The following MINDY4 variants were observed in gnomAD, a reference collection of about 807,000 sequenced individuals.
The protein encoded by MINDY4 is MINDY lysine 48 deubiquitinase 4.
MINDY4 carries 68 observed loss-of-function variants against 87.0 expected under a neutral mutation model. The ratio of observed to expected loss-of-function variants is 0.78; its 90% confidence interval spans 0.64 to 0.96. The LOEUF is 0.96. MINDY4 is among the 40% of genes least tolerant of loss of function. The pLI is 0.00. For synonymous variants in MINDY4, 379 were observed against 363.2 expected (o/e 1.04, Z -0.50); for missense variants, 919 against 928.2 (o/e 0.99, Z 0.13).
chr7:30,845,264 C>T (rs1017941600), intron 9 of MINDY4, among the ~76,000 whole-genome samples: 1 of 152,140 alleles, frequency 6.6e-6, no homozygotes, highest in Non-Finnish European at 1.5e-5. Context: ...AAGATGAACA[C>T]AGAAGAGTAC....
In MINDY4 at chr7:30,882,325, C is replaced by G. The variant is rs766986008; in HGVS notation, c.2116C>G (p.Leu706Val). Residue 706 changes from leucine (L) to valine (V), a missense_variant, in exon 16 of 18, where the codon CTG (leucine) becomes GTG (valine). Physicochemically the swap from Leu to Val is conservative, Grantham distance 32. Coordinates refer to ENST00000265299, the MANE Select transcript of MINDY4 (RefSeq NM_032222.3). ...CTTTGACTTGTACTACTACGATGGC[C>G]TGGCCAACCAGCAGGAGCAGATCCG... ...RLFDLYYYDG[L>V]ANQQEQIRLT... 6.2e-7 allele frequency: 1 copy of G among 1,609,380 alleles called. No homozygotes were observed. Among genetic ancestry groups the G allele is most frequent in the East Asian group, 2.2e-5 (1 of 44,708 alleles).
intron 9 of MINDY4, among the ~76,000 whole-genome samples, chr7:30,847,974 C>T (rs1041367307): frequency 2.0e-5 from 3 of 152,190 alleles, no homozygotes; most frequent in African/African-American, 7.2e-5. Context: ...CTCAAGCGAT[C>T]CTCCCACCTG....
At chr7:30,837,556 C>T (rs1584295980) in intron 7 of MINDY4, among the ~76,000 whole-genome samples, 3 of 152,292 alleles carry the variant, frequency 2.0e-5, no homozygotes, top group South Asian at 2.1e-4. Flanking sequence ...CTCATATCTC[C>T]CCCTTCTTCC....
At chr7:30,806,996 A>G (rs909859116) in intron 5 of MINDY4, among the ~76,000 whole-genome samples, 16 of 152,242 alleles carry the variant, frequency 1.1e-4, no homozygotes, top group Admixed American at 8.5e-4. Flanking sequence ...TGGCATTTCT[A>G]TAACTGATAT....
At chr7:30,797,287 C>G (rs562380078) in intron 5 of MINDY4, among the ~76,000 whole-genome samples, 4 of 152,272 alleles carry the variant, frequency 2.6e-5, no homozygotes, top group African/African-American at 9.6e-5. Context: ...CGAGGCAGCC[C>G]ACAATAACAC....
At chr7:30,773,434 A>G (rs1473242075) in intron 1 of MINDY4, among the ~76,000 whole-genome samples, 1 of 152,138 alleles carries the variant, frequency 6.6e-6, no homozygotes, top group African/African-American at 2.4e-5. Context: ...TCATAATTAG[A>G]CTTCAAGTCT....
At chr7:30,872,424 A>G (rs1790135496) in intron 14 of MINDY4, 118 bp downstream of exon 14, 3 of 924,660 alleles carry the variant, frequency 3.2e-6, no homozygotes, top group Non-Finnish European at 3.4e-6. Flanking sequence ...GCCTCTGCCA[A>G]CACTCTTCAA....
chr7:30,849,757 C>T (rs1254301793), intron 9 of MINDY4, among the ~76,000 whole-genome samples: 1 of 152,230 alleles, frequency 6.6e-6, no homozygotes, highest in Non-Finnish European at 1.5e-5. Flanking sequence ...TTCTACATGT[C>T]TGACAGCCTT....
At chr7:30,891,681 G>A (rs1346209357) in intron 17 of MINDY4, among the ~76,000 whole-genome samples, 41 of 152,198 alleles carry the variant, frequency 2.7e-4, no homozygotes, top group Non-Finnish European at 1.5e-5. Flanking sequence ...GGAGGGCCCA[G>A]CAGTGCCAGG....
chr7:30,874,384 G>C (rs1430657218), intron 14 of MINDY4, among the ~76,000 whole-genome samples: 4 of 152,230 alleles, frequency 2.6e-5, no homozygotes, highest in Admixed American at 6.5e-5. Context: ...GCTCAGCTCT[G>C]GCCCTAATGG....
At chr7:30,868,784 CCTT>C (rs1371530644) in intron 13 of MINDY4, among the ~76,000 whole-genome samples, 3 of 152,220 alleles carry the variant, frequency 2.0e-5, no homozygotes, top group African/African-American at 7.2e-5. Context: ...CTCTATTCCT[CCTT>C]CTCTGTCTTT....
chr7:30,816,057 A>G lies in MINDY4; in HGVS notation c.1074-12622A>G, dbSNP rs922719063. Among the ~76,000 whole-genome samples the G allele has an allele frequency of 3.9e-5, 6 of 152,092 alleles. 1 individual carries two copies. The highest frequency in any genetic ancestry group is 3.9e-4 in the Admixed American group (6 of 15,288). On this transcript the variant is annotated intron_variant, in intron 5 of 17. Coordinates refer to ENST00000265299, the MANE Select transcript of MINDY4 (RefSeq NM_032222.3). ...TGACTCCCACCTCCAGCAGGGCTGCAGGATTAGACTAGATGGTCTGGATTA... is the reference window on the plus strand; with the variant it reads ...TGACTCCCACCTCCAGCAGGGCTGCGGGATTAGACTAGATGGTCTGGATTA...
At chr7:30,830,086 G>C (rs1788652516) in intron 6 of MINDY4, among the ~76,000 whole-genome samples, 1 of 152,122 alleles carries the variant, frequency 6.6e-6, no homozygotes, top group Admixed American at 6.5e-5. Context: ...AGGGGGTTGG[G>C]GGTTGAGCAG....
chr7:30,891,832 G>T, intron 17 of MINDY4, 125 bp from the exon 18 acceptor site: 1 of 916,526 alleles, frequency 1.1e-6, no homozygotes, highest in South Asian at 1.4e-5. Context: ...AGATGAGCAG[G>T]ATGGAAACCG....
chr7:30,853,264 C>A, intron 11 of MINDY4, 130 bp from the exon 12 acceptor site: 1 of 726,250 alleles, frequency 1.4e-6, no homozygotes, highest in Admixed American at 2.1e-5. Context: ...CTTGGAGATG[C>A]TGCTCTCTGA....
At chr7:30,783,487 A>G (rs376874046) in intron 3 of MINDY4, among the ~76,000 whole-genome samples, 2 of 152,358 alleles carry the variant, frequency 1.3e-5, no homozygotes, top group East Asian at 3.9e-4. Context: ...TTGGAACACT[A>G]AGCATGAGGG....
intron 6 of MINDY4, among the ~76,000 whole-genome samples, chr7:30,829,509 C>T (rs1238999296): frequency 2.0e-5 from 3 of 152,228 alleles, no homozygotes; most frequent in Admixed American, 6.5e-5. Flanking sequence ...CCCTTTTGAA[C>T]TCTCCCTTTT....
chr7:30,837,216 C>T (rs756942795), intron 7 of MINDY4, among the ~76,000 whole-genome samples: 31 of 152,166 alleles, frequency 2.0e-4, no homozygotes, highest in Admixed American at 8.5e-4. Flanking sequence ...TAAAGGGCCC[C>T]GTGGTCACAG....
chr7:30,798,596 A>G (rs943003187), intron 5 of MINDY4, among the ~76,000 whole-genome samples: 5 of 152,048 alleles, frequency 3.3e-5, no homozygotes, highest in Admixed American at 1.3e-4. Flanking sequence ...TCCCGGGTTC[A>G]CGCCATTCTC....
Sources: allele counts gnomAD v4.1 joint callset (sites outside exome capture counted in the v4.1 genomes callset), GRCh38; gene constraint gnomAD v4.1.1; transcripts MANE v1.5; gene names NCBI Gene and HGNC (gene_info 2026-07-23, HGNC 2026-07-21).